Variants in GPR137C observed in about 807,000 individuals in gnomAD.
GPR137C encodes G protein-coupled receptor 137C, also known as integral membrane protein GPR137C.
GPR137C carries 27 observed loss-of-function variants against 43.4 expected under a neutral mutation model. That is an observed-to-expected ratio of 0.62 (90% confidence interval 0.46 to 0.86). The LOEUF (loss-of-function observed/expected upper bound fraction) is 0.86, where lower values mean the gene tolerates loss of function less well. Ranked by LOEUF, GPR137C falls within the 40% of genes least tolerant of loss-of-function variation. The probability of loss-of-function intolerance (pLI) is 0.00; values close to 1 mark genes in which losing one functional copy is unlikely to be tolerated. For missense variants in GPR137C, 522 were observed against 534.6 expected (o/e 0.98, Z 0.23); for synonymous variants, 285 against 226.9 (o/e 1.26, Z -2.30).
chr14:52,625,929 A>C (rs1396912991), intron 3 of GPR137C, among the ~76,000 whole-genome samples: 1 of 152,154 alleles, frequency 6.6e-6, no homozygotes, highest in Non-Finnish European at 1.5e-5. Context: ...ATAGAGTGGC[A>C]GCCCTCTGTA....
intron 3 of GPR137C, among the ~76,000 whole-genome samples, chr14:52,621,305 A>G (rs1029780167): frequency 2.6e-5 from 4 of 151,884 alleles, no homozygotes; most frequent in African/African-American, 9.7e-5. Flanking sequence ...CTGAAATACA[A>G]ATCCAGTGAA....
intron 1 of GPR137C, among the ~76,000 whole-genome samples, chr14:52,565,071 A>G (rs992403551): frequency 6.6e-6 from 1 of 152,218 alleles, no homozygotes; most frequent in Admixed American, 6.5e-5. Flanking sequence ...AAAGAGGACA[A>G]TCACATTAAT....
chr14:52,578,289 C>T (rs1477657645), intron 1 of GPR137C, among the ~76,000 whole-genome samples: 1 of 152,088 alleles, frequency 6.6e-6, no homozygotes, highest in East Asian at 1.9e-4. Flanking sequence ...GTTTCTCTTT[C>T]TGGAGCTCTT....
chr14:52,612,020 C>CT, intron 3 of GPR137C: 1 of 985,246 alleles, frequency 1.0e-6, no homozygotes, highest in Non-Finnish European at 1.2e-6. Flanking sequence ...CTTTGGTAAA[C>CT]TTTTTTGGTT....
intron 1 of GPR137C, among the ~76,000 whole-genome samples, chr14:52,573,856 G>A (rs1169061937): frequency 6.6e-6 from 1 of 152,054 alleles, no homozygotes; most frequent in Non-Finnish European, 1.5e-5. Flanking sequence ...GAATTTACAA[G>A]GAACTTATAC....
intron 3 of GPR137C, among the ~76,000 whole-genome samples, chr14:52,622,649 G>GA (rs1334568237): frequency 6.6e-6 from 1 of 151,940 alleles, no homozygotes; most frequent in African/African-American, 2.4e-5. Context: ...TGCCAGAGTT[G>GA]TCTGTCAGGT....
At chr14:52,619,230 T>C (rs1395147953) in intron 3 of GPR137C, among the ~76,000 whole-genome samples, 1 of 152,156 alleles carries the variant, frequency 6.6e-6, no homozygotes, top group African/African-American at 2.4e-5. Context: ...CGCAATGGTT[T>C]ATGGTAACTT....
intron 3 of GPR137C, among the ~76,000 whole-genome samples, chr14:52,609,634 C>T (rs1421335025): frequency 2.6e-5 from 4 of 152,210 alleles, no homozygotes; most frequent in Non-Finnish European, 4.4e-5. Context: ...CACTGGAGGA[C>T]GCTCTAAGCC....
At chr14:52,583,038 T>G (rs1303059208) in intron 1 of GPR137C, among the ~76,000 whole-genome samples, 1 of 152,180 alleles carries the variant, frequency 6.6e-6, no homozygotes, top group African/African-American at 2.4e-5. Flanking sequence ...TTCTTTATAC[T>G]TTCATAGAAA....
rs1300501339 is a variant in GPR137C at position 52,637,564 on chromosome 14, T to G, written c.*2449T>G. 1 of 152,180 alleles carries G rather than the reference T, an allele frequency of 6.6e-6. No homozygotes were observed. The highest frequency in any genetic ancestry group is 1.5e-5 in the Non-Finnish European group (1 of 68,012). 9.4% of individuals were successfully genotyped at this position (152,180 alleles called of 1,614,324 possible). On this transcript the variant is annotated 3_prime_UTR_variant, in exon 7 of 7. Coordinates refer to ENST00000321662, the MANE Select transcript of GPR137C (RefSeq NM_001099652.2). Reference sequence around the variant, plus strand: ...AGTGGCTTTTTTATGCATAGCTGCCTTTTTTATTGTTTAACAGTGTTTCTC... The same window carrying G: ...AGTGGCTTTTTTATGCATAGCTGCCGTTTTTATTGTTTAACAGTGTTTCTC...
At chr14:52,609,716 A>G (rs1016391658) in intron 3 of GPR137C, among the ~76,000 whole-genome samples, 1 of 152,186 alleles carries the variant, frequency 6.6e-6, no homozygotes, top group Non-Finnish European at 1.5e-5. Flanking sequence ...TCTGGGGAAG[A>G]CACAAGGAAG....
chr14:52,606,165 A>T (rs954328866), intron 3 of GPR137C, among the ~76,000 whole-genome samples: 1 of 152,184 alleles, frequency 6.6e-6, no homozygotes, highest in African/African-American at 2.4e-5. Flanking sequence ...CTGTGAAGCC[A>T]TAAGGTCCTG....
chr14:52,635,498 G>A lies in GPR137C; in HGVS notation c.*383G>A, dbSNP rs2039343502. ...CCAAACTGGAAGGCAATTTTCCTAT[G>A]AAAATCAAAGCCGGTATATTCATTG... is the stretch of plus-strand genomic sequence containing the variant. On this transcript the variant is annotated 3_prime_UTR_variant, in exon 7 of 7. Coordinates refer to ENST00000321662, the MANE Select transcript of GPR137C (RefSeq NM_001099652.2). 1 of 166,212 alleles carries A rather than the reference G, an allele frequency of 6.0e-6. No individual in the cohort carries two copies. Among genetic ancestry groups the A allele is most frequent in the South Asian group, 1.8e-4 (1 of 5,486 alleles). The allele number at this position is 166,212 out of a possible 1,614,324, so 10.3% of individuals were successfully genotyped here. A position where few individuals can be genotyped will look rare whatever the true frequency, so the allele number is the denominator to read the frequency against.
intron 1 of GPR137C, among the ~76,000 whole-genome samples, chr14:52,554,411 G>A (rs2038159940): frequency 6.6e-6 from 1 of 152,140 alleles, no homozygotes; most frequent in African/African-American, 2.4e-5. Context: ...CTCTTTTATG[G>A]GGAATTGCTG....
intron 3 of GPR137C, among the ~76,000 whole-genome samples, chr14:52,623,897 A>G (rs1414656369): frequency 6.7e-6 from 1 of 148,238 alleles, no homozygotes; most frequent in Non-Finnish European, 1.5e-5. Flanking sequence ...AGTATAGTTC[A>G]TTATCATTAA....
At chr14:52,604,932 C>T (rs2061943926) in intron 3 of GPR137C, among the ~76,000 whole-genome samples, 1 of 152,104 alleles carries the variant, frequency 6.6e-6, no homozygotes, top group Admixed American at 6.6e-5. Context: ...TGTTTTTATG[C>T]CAGTACCATG....
intron 1 of GPR137C, among the ~76,000 whole-genome samples, chr14:52,577,183 C>CAAAAAAAAAAAAAAAAAAAAAAA (rs34249999): frequency 2.4e-5 from 1 of 41,148 alleles, no homozygotes; most frequent in African/African-American, 1.0e-4. Flanking sequence ...TAAGACTCCT[C>CAAAAAAAAAAAAAAAAAAAAAAA]AAAAAAAAAA....
intron 1 of GPR137C, among the ~76,000 whole-genome samples, chr14:52,597,134 A>G (rs1462423792): frequency 6.6e-6 from 1 of 152,140 alleles, no homozygotes; most frequent in Non-Finnish European, 1.5e-5. Flanking sequence ...AGTTGGCTCA[A>G]ATATTATGAG....
At chr14:52,588,960 T>A (rs897718824) in intron 1 of GPR137C, among the ~76,000 whole-genome samples, 1 of 152,168 alleles carries the variant, frequency 6.6e-6, no homozygotes, top group Non-Finnish European at 1.5e-5. Flanking sequence ...GCATTCACAA[T>A]AGCCAAAAGG....
Sources: gnomAD v4.1 joint callset for allele counts (sites outside exome capture counted in the v4.1 genomes callset) on GRCh38, gnomAD v4.1.1 for gene constraint, MANE v1.5 for transcripts, NCBI Gene and HGNC (gene_info 2026-07-23, HGNC 2026-07-21) for gene names.